KLHL1: variants seen among roughly 807,000 people sequenced by gnomAD.
The protein encoded by KLHL1 is kelch-like protein 1.
KLHL1 carries 47 observed loss-of-function variants against 77.7 expected under a neutral mutation model. That is an observed-to-expected ratio of 0.60 (90% confidence interval 0.48 to 0.77). The LOEUF (loss-of-function observed/expected upper bound fraction) is 0.77. Ranked by LOEUF, KLHL1 falls within the 30% of genes least tolerant of loss-of-function variation. The probability of loss-of-function intolerance (pLI) is 0.00; values close to 1 mark genes in which losing one functional copy is unlikely to be tolerated. For synonymous variants in KLHL1, 360 were observed against 325.2 expected (o/e 1.11, Z -1.15); for missense variants, 925 against 910.8 (o/e 1.02, Z -0.20).
chr13:69,945,085 A>C (rs1421501277), intron 3 of KLHL1, among the ~76,000 whole-genome samples: 1 of 143,692 alleles, frequency 7.0e-6, no homozygotes, highest in African/African-American at 2.6e-5. Flanking sequence ...TCCCGGGTTC[A>C]AGTGATTCTC....
rs113368313 is a variant in KLHL1, at chr13:69,810,515, C to A, written c.1415-13553G>T. 9.2e-4 allele frequency among the ~76,000 whole-genome samples: 139 copies of A among 151,896 alleles called. 2 individuals are homozygous for A. Among genetic ancestry groups the A allele is most frequent in the African/African-American group, 3.3e-3 (135 of 41,450 alleles). ...GAAAATAGAGACAACATTCCACAAC[C>A]TCTGAGGTGCGGCAAAAGCAAGGTT... On this transcript the variant is annotated intron_variant, in intron 6 of 10. Transcript: ENST00000377844.
At chr13:69,922,393 A>G (rs780357326) in intron 4 of KLHL1, among the ~76,000 whole-genome samples, 24 of 152,202 alleles carry the variant, frequency 1.6e-4, no homozygotes, top group Non-Finnish European at 2.9e-4. Context: ...TATCTGGTAT[A>G]GTAAAATAGC....
chr13:70,019,639 A>G (rs1396793343), intron 1 of KLHL1, among the ~76,000 whole-genome samples: 2 of 152,184 alleles, frequency 1.3e-5, no homozygotes, highest in African/African-American at 4.8e-5. Flanking sequence ...TATTTTACAA[A>G]TGATGAAATT....
intron 1 of KLHL1, among the ~76,000 whole-genome samples, chr13:70,024,928 A>C (rs1885904370): frequency 6.6e-6 from 1 of 152,006 alleles, no homozygotes; most frequent in Non-Finnish European, 1.5e-5. Flanking sequence ...GGACAATCCC[A>C]GGAATAATAA....
At chr13:69,891,704 A>T (rs959593878) in intron 4 of KLHL1, among the ~76,000 whole-genome samples, 1 of 151,952 alleles carries the variant, frequency 6.6e-6, no homozygotes, top group Non-Finnish European at 1.5e-5. Context: ...ATATCAATTG[A>T]TATTAGAAAA....
intron 1 of KLHL1, among the ~76,000 whole-genome samples, chr13:69,987,018 T>C (rs959618431): frequency 6.6e-6 from 1 of 150,952 alleles, no homozygotes; most frequent in Non-Finnish European, 1.5e-5. Flanking sequence ...CAAGATAAAA[T>C]ATATGTTTAT....
At chr13:69,886,323 C>T (rs977601959) in intron 4 of KLHL1, among the ~76,000 whole-genome samples, 1 of 151,692 alleles carries the variant, frequency 6.6e-6, no homozygotes, top group African/African-American at 2.4e-5. Context: ...AATAATTTTT[C>T]TAGCTAAAAC....
chr13:69,863,724 A>G (rs1880262838), intron 5 of KLHL1, among the ~76,000 whole-genome samples: 1 of 152,008 alleles, frequency 6.6e-6, no homozygotes, highest in Non-Finnish European at 1.5e-5. Context: ...TGGATGATGC[A>G]AAAAACAGAT....
intron 8 of KLHL1, among the ~76,000 whole-genome samples, chr13:69,723,468 A>G (rs1593774181): frequency 6.6e-6 from 1 of 151,982 alleles, no homozygotes; most frequent in South Asian, 2.1e-4. Flanking sequence ...GTCAATAACA[A>G]AAAAAGAAAG....
chr13:69,862,731 G>A (rs959372661), intron 5 of KLHL1, among the ~76,000 whole-genome samples: 1 of 150,408 alleles, frequency 6.6e-6, no homozygotes, highest in African/African-American at 2.5e-5. Flanking sequence ...TATATAGGAA[G>A]AGGAAGAGAG....
At chr13:70,066,519 G>C (rs578106715) in intron 1 of KLHL1, among the ~76,000 whole-genome samples, 5 of 152,276 alleles carry the variant, frequency 3.3e-5, no homozygotes, top group African/African-American at 1.2e-4. Flanking sequence ...CCTCTTCAGT[G>C]CTACATTAAA....
rs1485791639 is a variant in KLHL1, at chr13:69,956,974, T to TA, written c.817+4333dup. 2.0e-5 allele frequency among the ~76,000 whole-genome samples: 3 copies of TA among 151,690 alleles called. No homozygotes were observed. In the Admixed American group the frequency reaches 2.0e-4, roughly 10 times the overall value. ...GCTACTTCTCGAGGTGATTTGAACA[T>TA]AGAGTGATAAGATATTGTATGACCT... On this transcript the variant is annotated intron_variant, in intron 3 of 10. Coordinates refer to ENST00000377844, the MANE Select transcript of KLHL1 (RefSeq NM_020866.3).
At chr13:70,055,112 T>C (rs1371489559) in intron 1 of KLHL1, among the ~76,000 whole-genome samples, 1 of 151,926 alleles carries the variant, frequency 6.6e-6, no homozygotes, top group African/African-American at 2.4e-5. Context: ...AAAGAAATTA[T>C]CTCAAGACAT....
chr13:70,069,500 A>G (rs1327235611), intron 1 of KLHL1, among the ~76,000 whole-genome samples: 1 of 152,250 alleles, frequency 6.6e-6, no homozygotes, highest in Non-Finnish European at 1.5e-5. Flanking sequence ...GGGACAAAGT[A>G]AACATCATAA....
chr13:69,937,372 C>T (rs1367096639), intron 4 of KLHL1, among the ~76,000 whole-genome samples: 1 of 152,080 alleles, frequency 6.6e-6, no homozygotes, highest in Non-Finnish European at 1.5e-5. Context: ...TATTGTCATG[C>T]CTTAATTTTA....
At position 69,851,237 on chromosome 13, in the gene KLHL1, G is replaced by T. The variant is rs546792352; in HGVS notation, c.1228-12075C>A. Among the ~76,000 whole-genome samples the T allele has an allele frequency of 6.3e-4, 96 of 151,656 alleles. 1 individual carries two copies. In the South Asian group the frequency reaches 0.02, roughly 31 times the overall value. On this transcript the variant is annotated intron_variant, in intron 5 of 10. Coordinates refer to ENST00000377844, the MANE Select transcript of KLHL1 (RefSeq NM_020866.3). ...TATTTATAATTACATTTTGCAAGAA[G>T]ATAATTAGAAAAGGATATATTCAAA...
intron 7 of KLHL1, among the ~76,000 whole-genome samples, chr13:69,785,656 T>G (rs1421310033): frequency 6.8e-6 from 1 of 147,294 alleles, no homozygotes; most frequent in Non-Finnish European, 1.5e-5. Flanking sequence ...ATGACTAAAA[T>G]CAGAGCAGAA....
chr13:69,742,555 T>C (rs1874030652), intron 7 of KLHL1, among the ~76,000 whole-genome samples: 1 of 152,198 alleles, frequency 6.6e-6, no homozygotes, highest in African/African-American at 2.4e-5. Flanking sequence ...TTAGGCAAAG[T>C]CTCTGCCCAC....
intron 1 of KLHL1, among the ~76,000 whole-genome samples, chr13:70,105,592 C>T (rs1317825536): frequency 2.6e-5 from 4 of 151,216 alleles, no homozygotes; most frequent in African/African-American, 9.7e-5. Context: ...AACCTAGTTT[C>T]CTTTTGAATA....
Sources: allele counts gnomAD v4.1 joint callset (sites outside exome capture counted in the v4.1 genomes callset), GRCh38; gene constraint gnomAD v4.1.1; transcripts MANE v1.5; gene names NCBI Gene and HGNC (gene_info 2026-07-23, HGNC 2026-07-21).